The following AGBL1 variants were observed in gnomAD, a reference collection of about 807,000 sequenced individuals.
AGBL1 encodes the protein AGBL carboxypeptidase 1.
In AGBL1, 130 loss-of-function variants were observed where a neutral mutation model predicts 118.9. That is an observed-to-expected ratio of 1.09 (90% confidence interval 0.95 to 1.26). The LOEUF (loss-of-function observed/expected upper bound fraction) is 1.26, where lower values mean the gene tolerates loss of function less well. AGBL1 is among the 50% of genes most tolerant of loss of function. The pLI, the probability that AGBL1 is intolerant of heterozygous loss-of-function variation, is 0.00. For synonymous variants in AGBL1, 555 were observed against 478.9 expected, an observed-to-expected ratio of 1.16 and a Z score of -2.08; for missense variants, 1,584 against 1,298.1, an observed-to-expected ratio of 1.22 and a Z score of -3.38.
At chr15:86,777,968 AC>A (rs1409355239) in intron 22 of AGBL1, among the ~76,000 whole-genome samples, 1 of 152,028 alleles carries the variant, frequency 6.6e-6, no homozygotes, top group Non-Finnish European at 1.5e-5. Flanking sequence ...GGCGAAGTTC[AC>A]CCCCAATATT....
intron 22 of AGBL1, among the ~76,000 whole-genome samples, chr15:86,704,533 A>C (rs1196608275): frequency 6.6e-6 from 1 of 152,326 alleles, no homozygotes; most frequent in African/African-American, 2.4e-5. Flanking sequence ...TATCAAAAGA[A>C]GTTCATCATC....
At chr15:86,970,627 G>A (rs1339947951) in intron 23 of AGBL1, among the ~76,000 whole-genome samples, 1 of 151,912 alleles carries the variant, frequency 6.6e-6, no homozygotes, top group Non-Finnish European at 1.5e-5. Flanking sequence ...GGTTTGATTT[G>A]ATAATGCAGA....
At chr15:86,793,464 A>C (rs927900785) in intron 22 of AGBL1, among the ~76,000 whole-genome samples, 2 of 152,206 alleles carry the variant, frequency 1.3e-5, no homozygotes, top group Non-Finnish European at 2.9e-5. Context: ...CCATTTACAA[A>C]AATTAAGACA....
At chr15:86,813,200 G>T (rs1406265045) in intron 22 of AGBL1, among the ~76,000 whole-genome samples, 1 of 77,032 alleles carries the variant, frequency 1.3e-5, no homozygotes, top group African/African-American at 3.8e-5. Flanking sequence ...CACCTTTGAG[G>T]GTTGGGGGGG....
intron 24 of AGBL1, among the ~76,000 whole-genome samples, chr15:87,009,949 A>C (rs1434807297): frequency 6.6e-6 from 1 of 152,204 alleles, no homozygotes; most frequent in Non-Finnish European, 1.5e-5. Context: ...GCTCATATGC[A>C]GAAGGGACTT....
At position 86,267,032 on chromosome 15, in the gene AGBL1, C is replaced by T; in HGVS notation, c.1794C>T (p.Ser598=). The T allele has an allele frequency of 6.4e-7, 1 of 1,571,158 alleles. No homozygotes were observed. ...DNASNCLRFF[S]KFESGNLRKA... is the part of the protein sequence containing the mutation. Reference sequence around the variant, plus strand: ...CTTCCAATTGTTTACGGTTCTTCTCCAAATTTGAGTCAGGAAATCTTCGCA... The same window carrying T: ...CTTCCAATTGTTTACGGTTCTTCTCTAAATTTGAGTCAGGAAATCTTCGCA... Residue 598 remains serine (S), a synonymous_variant, in exon 13 of 23, where the codon TCC becomes TCT. Coordinates refer to ENST00000614907, the MANE Select transcript of AGBL1 (RefSeq NM_001386094.1).
chr15:86,579,882 AG>A (rs1444523594), intron 21 of AGBL1, among the ~76,000 whole-genome samples: 1 of 152,198 alleles, frequency 6.6e-6, no homozygotes, highest in Non-Finnish European at 1.5e-5. Context: ...AAGTGGGAAA[AG>A]CCTATGATGA....
intron 1 of AGBL1, among the ~76,000 whole-genome samples, chr15:86,089,376 G>A (rs1156553310): frequency 6.6e-6 from 1 of 152,130 alleles, no homozygotes; most frequent in African/African-American, 2.4e-5. Context: ...ATGAATTCTG[G>A]TCCTTACTTG....
At chr15:86,503,476 G>T (rs572158097) in intron 18 of AGBL1, among the ~76,000 whole-genome samples, 2 of 150,586 alleles carry the variant, frequency 1.3e-5, no homozygotes, top group African/African-American at 4.9e-5. Flanking sequence ...GCTTGCTTCA[G>T]GTTTTCCTCT....
intron 18 of AGBL1, among the ~76,000 whole-genome samples, chr15:86,434,182 C>G (rs767501859): frequency 3.3e-5 from 5 of 152,228 alleles, no homozygotes; most frequent in Admixed American, 3.3e-4. Context: ...TGCTAACCAT[C>G]TGGATTAATC....
intron 22 of AGBL1, among the ~76,000 whole-genome samples, chr15:86,843,541 C>T (rs1256543641): frequency 6.6e-6 from 1 of 151,848 alleles, no homozygotes; most frequent in African/African-American, 2.4e-5. Flanking sequence ...ATGTTTGGTC[C>T]TTTTTATGAA....
intron 5 of AGBL1, among the ~76,000 whole-genome samples, chr15:86,196,873 GCGCGCGCACA>G (rs1567119070): frequency 1.8e-4 from 16 of 89,000 alleles, no homozygotes; most frequent in Non-Finnish European, 3.1e-4. Flanking sequence ...ACATGTGCGC[GCGCGCGCACA>G]CACACACACA....
chr15:86,960,945 G>A (rs185607766), intron 23 of AGBL1, among the ~76,000 whole-genome samples: 1 of 152,052 alleles, frequency 6.6e-6, no homozygotes. Context: ...GGGGCAGATG[G>A]GGAGTGGTTG....
chr15:86,860,487 G>A (rs888620721), intron 22 of AGBL1, among the ~76,000 whole-genome samples: 7 of 151,756 alleles, frequency 4.6e-5, no homozygotes, highest in Non-Finnish European at 8.8e-5. Flanking sequence ...CCTACCAGCT[G>A]AGAAGTGAGA....
chr15:86,971,340 G>T (rs1205637522), intron 23 of AGBL1, among the ~76,000 whole-genome samples: 1 of 151,880 alleles, frequency 6.6e-6, no homozygotes, highest in Non-Finnish European at 1.5e-5. Flanking sequence ...TGTGACATGT[G>T]GTGAGACATT....
intron 22 of AGBL1, among the ~76,000 whole-genome samples, chr15:86,802,226 T>C (rs1158948535): frequency 6.6e-6 from 1 of 152,100 alleles, no homozygotes; most frequent in Non-Finnish European, 1.5e-5. Context: ...TTTTAGACTT[T>C]ATATTATTAT....
intron 5 of AGBL1, among the ~76,000 whole-genome samples, chr15:86,186,808 C>T (rs1350830240): frequency 6.6e-6 from 1 of 152,148 alleles, no homozygotes; most frequent in Non-Finnish European, 1.5e-5. Context: ...GTGAAGTTGG[C>T]TTTTATGCTG....
At chr15:86,782,325 A>G (rs964925000) in intron 22 of AGBL1, among the ~76,000 whole-genome samples, 1 of 152,142 alleles carries the variant, frequency 6.6e-6, no homozygotes, top group South Asian at 2.1e-4. Flanking sequence ...ATTTGACTCT[A>G]TGCTACCTGG....
intron 23 of AGBL1, among the ~76,000 whole-genome samples, chr15:86,952,064 C>A (rs1304300204): frequency 6.6e-6 from 1 of 152,022 alleles, no homozygotes; most frequent in Admixed American, 6.6e-5. Flanking sequence ...AACCCCGTCT[C>A]TACTAAAAAT....
Sources: allele counts gnomAD v4.1 joint callset (sites outside exome capture counted in the v4.1 genomes callset), GRCh38; gene constraint gnomAD v4.1.1; transcripts MANE v1.5; gene names NCBI Gene and HGNC (gene_info 2026-07-23, HGNC 2026-07-21).